Variants in PIK3C2A observed in about 807,000 individuals in gnomAD.
PIK3C2A encodes phosphatidylinositol-4-phosphate 3-kinase catalytic subunit type 2 alpha, also known as phosphatidylinositol 4-phosphate 3-kinase C2 domain-containing subunit alpha.
PIK3C2A carries 97 observed loss-of-function variants against 204.5 expected under a neutral mutation model. That is an observed-to-expected ratio of 0.47 (90% confidence interval 0.40 to 0.56). The LOEUF is 0.56. PIK3C2A is among the 20% of genes least tolerant of loss of function. PIK3C2A has a pLI of 0.00. For missense variants in PIK3C2A, 1,735 were observed against 1,969.2 expected, an observed-to-expected ratio of 0.88 and a Z score of 2.25; for synonymous variants, 653 against 664.4, an observed-to-expected ratio of 0.98 and a Z score of 0.26.
chr11:17,096,528 A>T (rs1234028573), intron 27 of PIK3C2A, among the ~76,000 whole-genome samples: 1 of 152,206 alleles, frequency 6.6e-6, no homozygotes, highest in East Asian at 1.9e-4. Flanking sequence ...ACACAAAAAG[A>T]TACTAAAATT....
intron 13 of PIK3C2A, among the ~76,000 whole-genome samples, chr11:17,124,793 C>G (rs1849471344): frequency 1.3e-5 from 2 of 152,112 alleles, no homozygotes; most frequent in Admixed American, 1.3e-4. Context: ...TGTTTGGTCT[C>G]CTTCTCTTTT....
Position 17,169,257 on chromosome 11 carries a change from T to C in PIK3C2A, c.485A>G (p.Tyr162Cys). The C allele has an allele frequency of 6.2e-7, 1 of 1,614,144 alleles. No homozygotes were observed. The highest frequency in any genetic ancestry group is 8.5e-7 in the Non-Finnish European group (1 of 1,179,992). The change falls in exon 2 of 33, where the codon TAC becomes TGC. Residue 162 changes from tyrosine to cysteine, a missense_variant. Coordinates refer to ENST00000691414, the MANE Select transcript of PIK3C2A (RefSeq NM_002645.4). Reference sequence around the variant, plus strand: ...ATTTTGGAATGCAGCCTGTTTACTGTAAGTAGAAGGATAAATAGAAGGTAA... The same window carrying C: ...ATTTTGGAATGCAGCCTGTTTACTGCAAGTAGAAGGATAAATAGAAGGTAA... ...YALPSIYPSTYSKQAAFQNGF... is the reference protein window; with the variant it reads ...YALPSIYPSTCSKQAAFQNGF...
At chr11:17,207,693 C>A (rs892651067) in intron 1 of PIK3C2A, among the ~76,000 whole-genome samples, 155 bp downstream of exon 1, 3 of 152,086 alleles carry the variant, frequency 2.0e-5, no homozygotes, top group African/African-American at 7.2e-5. Flanking sequence ...GGCTGGGCAA[C>A]GCCAAGAGCA....
chr11:17,112,544 C>G (rs540769737), intron 21 of PIK3C2A, 30 bp downstream of exon 21: 1 of 1,033,604 alleles, frequency 9.7e-7, no homozygotes, highest in Non-Finnish European at 1.4e-6. Flanking sequence ...TCTAAATTGC[C>G]ATTAAAAAAC....
intron 13 of PIK3C2A, among the ~76,000 whole-genome samples, chr11:17,126,142 CA>C (rs932999697): frequency 2.6e-5 from 4 of 151,674 alleles, no homozygotes; most frequent in African/African-American, 9.7e-5. Context: ...AAAACAAAAA[CA>C]AAAAAAACTT....
chr11:17,146,835 C>G (rs1850260701), intron 6 of PIK3C2A, among the ~76,000 whole-genome samples: 1 of 151,894 alleles, frequency 6.6e-6, no homozygotes, highest in Non-Finnish European at 1.5e-5. Flanking sequence ...GAAATGAATT[C>G]TACCTAACAT....
chr11:17,094,116 T>G, intron 28 of PIK3C2A, 145 bp downstream of exon 28: 1 of 532,602 alleles, frequency 1.9e-6, no homozygotes, highest in Non-Finnish European at 3.2e-6. Flanking sequence ...TGTCTGCTTT[T>G]GTATTAGGTC....
intron 23 of PIK3C2A, among the ~76,000 whole-genome samples, chr11:17,104,576 T>C (rs897778127): frequency 6.6e-6 from 1 of 151,678 alleles, no homozygotes; most frequent in African/African-American, 2.4e-5. Context: ...ATACAAAAAA[T>C]TGCCTGGGCG....
chr11:17,170,614 T>C (rs933156429), intron 1 of PIK3C2A, among the ~76,000 whole-genome samples: 5 of 152,356 alleles, frequency 3.3e-5, no homozygotes, highest in African/African-American at 1.2e-4. Flanking sequence ...AACTTTGTCA[T>C]AGTTTAGCTT....
intron 25 of PIK3C2A, among the ~76,000 whole-genome samples, chr11:17,100,253 G>GT (rs1447592829): frequency 2.4e-5 from 3 of 122,758 alleles, no homozygotes; most frequent in South Asian, 3.5e-4. Flanking sequence ...TGGGGGCGGG[G>GT]GGGGGGGGCA....
chr11:17,115,140 G>T (rs113568453), intron 19 of PIK3C2A, among the ~76,000 whole-genome samples: 1,924 of 152,076 alleles, frequency 0.013, 16 homozygotes, highest in Non-Finnish European at 0.021. Flanking sequence ...ATATGAAATT[G>T]CAAGTGTCCC....
intron 26 of PIK3C2A, 128 bp from the exon 27 acceptor site, chr11:17,097,392 A>C (rs748813984): frequency 1.1e-5 from 7 of 637,950 alleles, no homozygotes; most frequent in African/African-American, 3.7e-5. Context: ...TTTGCCAAGG[A>C]TTCCCTTTGT....
chr11:17,107,536 T>C lies in PIK3C2A; in HGVS notation c.3545-2231A>G, dbSNP rs141161079. Among the ~76,000 whole-genome samples, 171 of 152,304 alleles carry C rather than the reference T, an allele frequency of 1.1e-3. 1 individual carries two copies. Among genetic ancestry groups the C allele is most frequent in the Non-Finnish European group, 1.3e-3 (89 of 68,024 alleles). ...TTCCAGAAGGCTACATAAGTAGTTA[T>C]ATTGTGGAAAGACGGTACCTAGAAT... On this transcript the variant is annotated intron_variant, in intron 22 of 32. Coordinates refer to ENST00000691414, the MANE Select transcript of PIK3C2A (RefSeq NM_002645.4).
intron 1 of PIK3C2A, among the ~76,000 whole-genome samples, chr11:17,195,759 GC>G (rs1852130863): frequency 7.1e-6 from 1 of 139,960 alleles, no homozygotes; most frequent in African/African-American, 2.6e-5. Flanking sequence ...AAAAAAAGGA[GC>G]CCCGCGCGCT....
chr11:17,096,980 G>T, intron 27 of PIK3C2A, 77 bp downstream of exon 27: 2 of 831,478 alleles, frequency 2.4e-6, no homozygotes, highest in Admixed American at 2.1e-5. Context: ...TGCAACTTTA[G>T]CAGAATCAGC....
intron 1 of PIK3C2A, among the ~76,000 whole-genome samples, chr11:17,180,211 A>AACAT (rs1851489201): frequency 1.3e-5 from 2 of 152,178 alleles, no homozygotes; most frequent in South Asian, 4.2e-4. Flanking sequence ...TAACTCTATG[A>AACAT]AAACAATATA....
chr11:17,091,364 T>TCGTGAAATTTTGGTTTTA lies in PIK3C2A; in HGVS notation c.4830_4847dup (p.Lys1613_Thr1618dup). 6.2e-7 allele frequency: 1 copy of TCGTGAAATTTTGGTTTTA among 1,613,730 alleles called. No homozygotes were observed. On this transcript the variant is annotated inframe_insertion, in exon 32 of 33. Coordinates refer to ENST00000691414, the MANE Select transcript of PIK3C2A (RefSeq NM_002645.4). The stretch of plus-strand genomic sequence containing the variant: ...CATTGAATGTCGGATTCCTCGTTTT[T>TCGTGAAATTTTGGTTTTA]CGTGAAATTTTGGTTTTACGTTTGG...
chr11:17,176,067 G>A (rs1337410220), intron 1 of PIK3C2A, among the ~76,000 whole-genome samples: 3 of 150,866 alleles, frequency 2.0e-5, no homozygotes, highest in Non-Finnish European at 4.4e-5. Context: ...GCAATGGTGC[G>A]ATCTCGGTTC....
chr11:17,190,307 G>A (rs370168063), intron 1 of PIK3C2A, among the ~76,000 whole-genome samples: 9 of 151,924 alleles, frequency 5.9e-5, no homozygotes, highest in African/African-American at 1.7e-4. Context: ...GCTGGGTGCG[G>A]TGGCTCACAC....
Sources: gnomAD v4.1 joint callset for allele counts (sites outside exome capture counted in the v4.1 genomes callset) on GRCh38, gnomAD v4.1.1 for gene constraint, MANE v1.5 for transcripts, NCBI Gene and HGNC (gene_info 2026-07-23, HGNC 2026-07-21) for gene names.